CLOCK: variants seen among roughly 807,000 people sequenced by gnomAD.
The protein encoded by CLOCK is clock circadian regulator, also known as circadian locomoter output cycles protein kaput.
Under a neutral mutation model 118.4 loss-of-function variants are expected in CLOCK, and 43 were observed. That is an observed-to-expected ratio of 0.36 (90% CI 0.28 to 0.47). CLOCK has a LOEUF of 0.47. Among genes scored for constraint, CLOCK ranks in the 20% least tolerant of loss-of-function variants. The probability of loss-of-function intolerance (pLI) is 1.00; values close to 1 mark genes in which losing one functional copy is unlikely to be tolerated. For missense variants in CLOCK, 846 were observed against 999.9 expected, an observed-to-expected ratio of 0.85 and a Z score of 2.08; for synonymous variants, 326 against 339.2, an observed-to-expected ratio of 0.96 and a Z score of 0.43.
chr4:55,484,937 C>T (rs115315750), intron 3 of CLOCK, among the ~76,000 whole-genome samples: 5,263 of 152,022 alleles, frequency 0.035, 122 homozygotes, highest in African/African-American at 0.055. Flanking sequence ...ATTTGTCGTC[C>T]AGCTAATAGA....
Position 55,453,034 on chromosome 4 carries a change from T to G in CLOCK, c.1206+20A>C. On this transcript the variant is annotated intron_variant, in intron 15 of 22. Transcript: ENST00000513440. ...TGGGGAGAAATTAAAAATAATTTTT[T>G]TTAATTATAAGAAACATACTTTGTC... is the stretch of plus-strand genomic sequence containing the variant. 1 of 1,542,154 alleles carries G rather than the reference T, an allele frequency of 6.5e-7. No homozygotes were observed. The highest frequency in any genetic ancestry group is 8.9e-7 in the Non-Finnish European group (1 of 1,128,796).
intron 15 of CLOCK, among the ~76,000 whole-genome samples, chr4:55,451,393 A>AC (rs548698957): frequency 6.6e-6 from 1 of 152,012 alleles, no homozygotes; most frequent in African/African-American, 2.4e-5. Context: ...ACTAGCTATT[A>AC]CCCCCCTGTT....
chr4:55,511,715 C>T (rs1263340291), intron 1 of CLOCK, among the ~76,000 whole-genome samples: 1 of 152,158 alleles, frequency 6.6e-6, no homozygotes, highest in Non-Finnish European at 1.5e-5. Flanking sequence ...TATCATATCA[C>T]ACCGAATAGT....
At chr4:55,447,363 C>CAA (rs113812191) in intron 18 of CLOCK, among the ~76,000 whole-genome samples, 50,938 of 150,270 alleles carry the variant, frequency 0.34, 9,248 homozygotes, top group East Asian at 0.58. Context: ...GGCGTCGTCT[C>CAA]AAAAAAAAAT....
intron 1 of CLOCK, among the ~76,000 whole-genome samples, chr4:55,516,857 T>C (rs1268634115): frequency 1.3e-5 from 2 of 152,206 alleles, no homozygotes; most frequent in Admixed American, 1.3e-4. Context: ...TGTTTTACTT[T>C]TTTTAGTAGT....
intron 9 of CLOCK, among the ~76,000 whole-genome samples, chr4:55,462,569 G>T (rs559328958): frequency 6.6e-6 from 1 of 152,100 alleles, no homozygotes; most frequent in Non-Finnish European, 1.5e-5. Context: ...ATGAGCTACC[G>T]GGCCTGGCTG....
Position 55,444,719 on chromosome 4 carries a change from T to C in CLOCK, c.1606A>G (p.Met536Val), listed in dbSNP as rs529037715. 1.1e-5 allele frequency: 17 copies of C among 1,614,154 alleles called. No homozygotes were observed. Among genetic ancestry groups the C allele is most frequent in the Non-Finnish European group, 1.4e-5 (16 of 1,180,018 alleles). Residue 536 changes from methionine to valine, a missense_variant, in exon 19 of 23, where the codon ATG (methionine) becomes GTG (valine). Physicochemically the swap from Met to Val is conservative, Grantham distance 21. Coordinates refer to ENST00000513440, the MANE Select transcript of CLOCK (RefSeq NM_004898.4). ...LKDQLEQRTR[M>V]IEANIHRQQE... is the part of the protein sequence containing the mutation. Reference sequence around the variant, plus strand: ...TGCCGATGAATATTTGCTTCTATCATGCGTGTCCGTTGTTCCAATTGGTCT... The same window carrying C: ...TGCCGATGAATATTTGCTTCTATCACGCGTGTCCGTTGTTCCAATTGGTCT...
chr4:55,475,310 G>C (rs1196066456), intron 7 of CLOCK, among the ~76,000 whole-genome samples: 4 of 152,208 alleles, frequency 2.6e-5, no homozygotes, highest in Non-Finnish European at 5.9e-5. Context: ...AACCCGAACT[G>C]ATGAGGAGTT....
At chr4:55,515,040 T>C (rs1445235244) in intron 1 of CLOCK, among the ~76,000 whole-genome samples, 2 of 152,336 alleles carry the variant, frequency 1.3e-5, no homozygotes, top group Non-Finnish European at 1.5e-5. Flanking sequence ...TAAAAGATTA[T>C]AAATAATTGT....
chr4:55,480,656 C>T (rs1257364739), intron 4 of CLOCK, among the ~76,000 whole-genome samples: 3 of 152,040 alleles, frequency 2.0e-5, no homozygotes, highest in African/African-American at 4.8e-5. Context: ...TTTGGGAGGC[C>T]GAGGCGGGCG....
chr4:55,515,665 G>C (rs1296320370), intron 1 of CLOCK, among the ~76,000 whole-genome samples: 1 of 152,134 alleles, frequency 6.6e-6, no homozygotes, highest in Non-Finnish European at 1.5e-5. Context: ...TTACAGGCGC[G>C]AGCCACCACG....
In CLOCK at chr4:55,456,256, T is replaced by A; in HGVS notation, c.837A>T (p.Arg279Ser). 6.2e-7 allele frequency: 1 copy of A among 1,605,040 alleles called. No individual in the cohort carries two copies. The highest frequency in any genetic ancestry group is 8.5e-7 in the Non-Finnish European group (1 of 1,173,224). Residue 279 changes from arginine to serine, a missense_variant, in exon 12 of 23, where the codon AGA (arginine) becomes AGT (serine). Arg to Ser is a moderately radical substitution (Grantham distance 110). This residue lies in a region of CLOCK where 14 missense variants were observed against 42.2 expected (regional missense o/e 0.33). Coordinates refer to ENST00000513440, the MANE Select transcript of CLOCK (RefSeq NM_004898.4). ...ACAGAAACTTCCATTCTAAACTATG[T>A]CTAGATGTAAACTCTTCATTGGGTT... ...VEEPNEEFTS[R>S]HSLEWKFLFL...
intron 1 of CLOCK, among the ~76,000 whole-genome samples, chr4:55,519,329 T>C (rs1335824682): frequency 1.3e-5 from 2 of 152,204 alleles, no homozygotes; most frequent in African/African-American, 2.4e-5. Context: ...AGCACTGGGA[T>C]TGTAGGTGCA....
intron 2 of CLOCK, among the ~76,000 whole-genome samples, chr4:55,504,631 A>T (rs1206273819): frequency 6.6e-6 from 1 of 152,146 alleles, no homozygotes; most frequent in East Asian, 1.9e-4. Flanking sequence ...GAACATATTA[A>T]AGTACAGGAT....
chr4:55,439,476 A>G (rs1405332620), intron 21 of CLOCK, among the ~76,000 whole-genome samples: 1 of 152,178 alleles, frequency 6.6e-6, no homozygotes, highest in Non-Finnish European at 1.5e-5. Context: ...AAAATTCACT[A>G]TAGGATTACT....
Position 55,429,015 on chromosome 4 carries a change from A to G in CLOCK, c.*6400T>C, listed in dbSNP as rs1722357007. 7.1e-6 allele frequency: 1 copy of G among 140,398 alleles called. No individual in the cohort carries two copies. The highest frequency in any genetic ancestry group is 2.6e-5 in the African/African-American group (1 of 38,010). 8.7% of individuals were successfully genotyped at this position (140,398 alleles called of 1,614,324 possible). ...TTTTTAAAAAGACATTTCCTGGCCAATTTTTTTGCTTGAAGATGATTGTCT... is the reference window on the plus strand; with the variant it reads ...TTTTTAAAAAGACATTTCCTGGCCAGTTTTTTTGCTTGAAGATGATTGTCT... On this transcript the variant is annotated 3_prime_UTR_variant, in exon 23 of 23. Transcript: ENST00000513440.
chr4:55,525,229 T>C (rs986952301), intron 1 of CLOCK, among the ~76,000 whole-genome samples: 2 of 152,180 alleles, frequency 1.3e-5, no homozygotes, highest in African/African-American at 4.8e-5. Flanking sequence ...TCACAGCCCT[T>C]TGAAAGGACA....
chr4:55,536,762 C>T (rs1474613729), intron 1 of CLOCK, among the ~76,000 whole-genome samples: 2 of 152,130 alleles, frequency 1.3e-5, no homozygotes, highest in Admixed American at 1.3e-4. Context: ...AAATGAACTT[C>T]CCCTTCCCCC....
At chr4:55,473,578 C>T (rs1415265551) in intron 7 of CLOCK, among the ~76,000 whole-genome samples, 2 of 152,138 alleles carry the variant, frequency 1.3e-5, no homozygotes, top group Non-Finnish European at 2.9e-5. Context: ...AGACTTGAGA[C>T]GTGGCTATAA....
Sources: gnomAD v4.1 joint callset for allele counts (sites outside exome capture counted in the v4.1 genomes callset) on GRCh38, gnomAD v4.1.1 for gene constraint, gnomAD v4.1.1 regional missense constraint, MANE v1.5 for transcripts, NCBI Gene and HGNC (gene_info 2026-07-23, HGNC 2026-07-21) for gene names.